CLCA2: variants seen among roughly 807,000 people sequenced by gnomAD.
CLCA2 encodes calcium-activated chloride channel regulator 2.
A neutral mutation model predicts 82.9 loss-of-function variants in CLCA2; 85 were observed. That is an observed-to-expected ratio of 1.03 (90% CI 0.86 to 1.23). The LOEUF is 1.23. CLCA2 is among the 50% of genes most tolerant of loss of function. The pLI, the probability that CLCA2 is intolerant of heterozygous loss-of-function variation, is 0.00. For synonymous variants in CLCA2, 421 were observed against 391.7 expected, an observed-to-expected ratio of 1.07 and a Z score of -0.88; for missense variants, 1,089 against 1,124.8, an observed-to-expected ratio of 0.97 and a Z score of 0.45.
At chr1:86,438,730 ATAT>A in intron 6 of CLCA2, 143 bp from the exon 7 acceptor site, 1 of 661,946 alleles carries the variant, frequency 1.5e-6, no homozygotes, top group South Asian at 1.9e-5. Context: ...CAATATTCTA[ATAT>A]TATGTTACTC....
intron 5 of CLCA2, 128 bp from the exon 6 acceptor site, chr1:86,434,390 C>T: frequency 1.4e-6 from 1 of 701,694 alleles, no homozygotes; most frequent in Non-Finnish European, 2.4e-6. Context: ...AGAGGTATAT[C>T]ACTGTACCAC....
intron 5 of CLCA2, among the ~76,000 whole-genome samples, chr1:86,433,899 T>C (rs1373900951): frequency 6.6e-6 from 1 of 152,182 alleles, no homozygotes; most frequent in Non-Finnish European, 1.5e-5. Context: ...TACTTAGCAA[T>C]GCAAACCATA....
intron 12 of CLCA2, 66 bp from the exon 13 acceptor site, chr1:86,453,303 C>G: frequency 1.6e-6 from 2 of 1,255,530 alleles, no homozygotes; most frequent in Non-Finnish European, 2.3e-6. Context: ...CTCACTGTGT[C>G]AAGAACAAGC....
At chr1:86,431,114 T>G in intron 4 of CLCA2, 144 bp downstream of exon 4, 1 of 601,090 alleles carries the variant, frequency 1.7e-6, no homozygotes, top group Non-Finnish European at 2.9e-6. Flanking sequence ...ATCCTTTCAC[T>G]TTTCAGTTCT....
chr1:86,424,459 C>T, intron 1 of CLCA2, 26 bp downstream of exon 1: 1 of 1,583,880 alleles, frequency 6.3e-7, no homozygotes, highest in Non-Finnish European at 8.6e-7. Flanking sequence ...GAAATTGATA[C>T]TAGCATCCCA....
chr1:86,450,202 A>G (rs1006395368), intron 11 of CLCA2, among the ~76,000 whole-genome samples: 1 of 152,200 alleles, frequency 6.6e-6, no homozygotes, highest in African/African-American at 2.4e-5. Flanking sequence ...AATAGCTTTT[A>G]TTCATATCTC....
At chr1:86,427,273 C>T (rs1212256649) in intron 2 of CLCA2, among the ~76,000 whole-genome samples, 1 of 152,026 alleles carries the variant, frequency 6.6e-6, no homozygotes, top group African/African-American at 2.4e-5. Flanking sequence ...TCCTTTTGGC[C>T]TCAGGACAAA....
chr1:86,446,215 AC>A (rs1662850233), intron 10 of CLCA2, among the ~76,000 whole-genome samples: 4 of 123,028 alleles, frequency 3.3e-5, no homozygotes, highest in Admixed American at 8.5e-5. Context: ...AGCTGTGGGA[AC>A]TTTTTTTTTT....
rs1483573323 is a variant in CLCA2 at position 86,425,436 on chromosome 1, CTAA to C, written c.291_293del (p.Asn98del). On this transcript the variant is annotated inframe_deletion, in exon 2 of 14. Transcript: ENST00000370565. Reference sequence around the variant, plus strand: ...ATTTTAATACCTGCCACATGGAAAGCTAATAATAACAGCAAAATAAAACAAGAA... The same window carrying C: ...ATTTTAATACCTGCCACATGGAAAGCTAATAACAGCAAAATAAAACAAGAA... 1.9e-6 allele frequency: 3 copies of C among 1,557,792 alleles called. No homozygotes were observed. Among genetic ancestry groups the C allele is most frequent in the Non-Finnish European group, 1.7e-6 (2 of 1,150,296 alleles).
chr1:86,440,447 C>T, intron 8 of CLCA2, 122 bp downstream of exon 8: 1 of 918,570 alleles, frequency 1.1e-6, no homozygotes, highest in Non-Finnish European at 1.6e-6. Flanking sequence ...TTAAAAAACG[C>T]ACACACATAT....
chr1:86,434,662 C>A lies in CLCA2; in HGVS notation c.889C>A (p.Pro297Thr). ...CTTTCCCATGAATGGGACTGAGCTT[C>A]CACCTCCTCCCACATTCTCGCTTGT... ...HSFPMNGTEL[P>T]PPPTFSLVQA... The change falls in exon 6 of 14, where the codon CCA (proline) becomes ACA (threonine). Residue 297 changes from proline (P) to threonine (T), a missense_variant. Coordinates refer to ENST00000370565, the MANE Select transcript of CLCA2 (RefSeq NM_006536.7). 6.2e-7 allele frequency: 1 copy of A among 1,614,136 alleles called. No homozygotes were observed.
At chr1:86,434,188 T>C (rs1393936414) in intron 5 of CLCA2, among the ~76,000 whole-genome samples, 1 of 152,164 alleles carries the variant, frequency 6.6e-6, no homozygotes, top group African/African-American at 2.4e-5. Context: ...AATACAATAT[T>C]GTGCTAAGGG....
Position 86,447,460 on chromosome 1 carries a change from G to T in CLCA2, c.1714-48G>T, listed in dbSNP as rs534908198. 1.7e-5 allele frequency: 27 copies of T among 1,576,416 alleles called. No individual in the cohort carries two copies. In the Middle Eastern group the frequency reaches 5.1e-4, roughly 30 times the overall value. On this transcript the variant is annotated intron_variant, in intron 10 of 13. Transcript: ENST00000370565. ...TTTTGATGTATGCTTTAAAATTAGG[G>T]TTGATTTTTTTTTCACACTTTCCAA...
chr1:86,455,432 A>T lies in CLCA2; in HGVS notation c.2737A>T (p.Ile913Leu). 1 of 1,599,084 alleles carries T rather than the reference A, an allele frequency of 6.3e-7. No homozygotes were observed. Among genetic ancestry groups the T allele is most frequent in the South Asian group, 1.1e-5 (1 of 87,964 alleles). The change falls in exon 14 of 14, where the codon ATA becomes TTA. Residue 913 changes from isoleucine to leucine, a missense_variant. Coordinates refer to ENST00000370565, the MANE Select transcript of CLCA2 (RefSeq NM_006536.7). The stretch of plus-strand genomic sequence containing the variant: ...AGGAGTTTTAACAGCAATGGGTTTG[A>T]TAGGAATCATTTGCCTTATTATAGT... ...LKGVLTAMGLIGIICLIIVVT... is the reference protein window; with the variant it reads ...LKGVLTAMGLLGIICLIIVVT...
chr1:86,424,574 G>A, intron 1 of CLCA2, 141 bp downstream of exon 1: 1 of 653,668 alleles, frequency 1.5e-6, no homozygotes. Flanking sequence ...ACAACGTTAT[G>A]ATTATGGCTA....
chr1:86,452,983 G>A (rs367701947), intron 12 of CLCA2, among the ~76,000 whole-genome samples: 1 of 152,082 alleles, frequency 6.6e-6, no homozygotes, highest in South Asian at 2.1e-4. Context: ...GACCAGCCTA[G>A]CCAACATGGT....
chr1:86,455,425 G>A lies in CLCA2; in HGVS notation c.2730G>A (p.Met910Ile), dbSNP rs1195248992. The A allele has an allele frequency of 1.2e-6, 2 of 1,601,474 alleles. No individual in the cohort carries two copies. The highest frequency in any genetic ancestry group is 1.8e-5 in the Admixed American group (1 of 57,008). Residue 910 changes from methionine (M) to isoleucine (I), a missense_variant, in exon 14 of 14, where the codon ATG becomes ATA. Met to Ile is a conservative substitution (Grantham distance 10). Transcript: ENST00000370565. ...YLILKGVLTA[M>I]GLIGIICLII... ...TATTGAAAGGAGTTTTAACAGCAAT[G>A]GGTTTGATAGGAATCATTTGCCTTA...
At chr1:86,449,696 G>T (rs1662923267) in intron 11 of CLCA2, among the ~76,000 whole-genome samples, 1 of 152,166 alleles carries the variant, frequency 6.6e-6, no homozygotes, top group Non-Finnish European at 1.5e-5. Flanking sequence ...GGTATGCAGG[G>T]CTGTGTGTGT....
Position 86,440,193 on chromosome 1 carries a change from T to C in CLCA2, c.1249T>C (p.Leu417=), listed in dbSNP as rs537020575. Residue 417 remains leucine, a synonymous_variant, in exon 8 of 14, where the codon TTA becomes CTA. Coordinates refer to ENST00000370565, the MANE Select transcript of CLCA2 (RefSeq NM_006536.7). ...NGKAYGSVMI[L]VTSGDDKLLG... ...AAAAGCTTATGGCTCTGTGATGATA[T>C]TAGTGACCAGCGGAGATGATAAGCT... 3.7e-6 allele frequency: 6 copies of C among 1,614,152 alleles called. No homozygotes were observed. Among genetic ancestry groups the C allele is most frequent in the Non-Finnish European group, 5.1e-6 (6 of 1,179,986 alleles).
Sources: allele counts gnomAD v4.1 joint callset (sites outside exome capture counted in the v4.1 genomes callset), GRCh38; gene constraint gnomAD v4.1.1; transcripts MANE v1.5; gene names NCBI Gene and HGNC (gene_info 2026-07-23, HGNC 2026-07-21).